The following CC2D2B variants were observed in gnomAD, a reference collection of about 807,000 sequenced individuals.
CC2D2B encodes protein CC2D2B.
In CC2D2B, 128 loss-of-function variants were observed where a neutral mutation model predicts 161.2. The ratio of observed to expected loss-of-function variants is 0.79; its 90% CI spans 0.69 to 0.92. The LOEUF is 0.92. CC2D2B is among the 40% of genes least tolerant of loss of function. CC2D2B has a pLI of 0.00. For synonymous variants in CC2D2B, 391 were observed against 449.8 expected (o/e 0.87, Z 1.65); for missense variants, 1,173 against 1,375.1 (o/e 0.85, Z 2.32).
chr10:96,015,985 T>G (rs17383897), intron 29 of CC2D2B, among the ~76,000 whole-genome samples: 1 of 152,276 alleles, frequency 6.6e-6, no homozygotes, highest in East Asian at 1.9e-4. Context: ...TGTTCTATAA[T>G]AAAGGTGGCC....
rs116368499 is a variant in CC2D2B at position 95,991,989 on chromosome 10, G to A, written c.2471+528G>A. On this transcript the variant is annotated intron_variant, in intron 21 of 34. Coordinates refer to ENST00000646931, the MANE Select transcript of CC2D2B (RefSeq NM_001349008.3). ...CTGTCTCTGGGAAAACTCCCTGGAG[G>A]CCACATGCAGACTCCTGGAATGATC... Among the ~76,000 whole-genome samples, 843 of 152,320 alleles carry A rather than the reference G, an allele frequency of 5.5e-3. 2 individuals carry two copies. Among genetic ancestry groups the A allele is most frequent in the African/African-American group, 0.015 (630 of 41,572 alleles).
intron 33 of CC2D2B, 50 bp downstream of exon 33, chr10:96,024,961 A>G: frequency 9.1e-7 from 1 of 1,092,962 alleles, no homozygotes; most frequent in Non-Finnish European, 1.3e-6. Flanking sequence ...CAGTCTTCTG[A>G]CCCATCCATT....
chr10:96,019,966 C>A, intron 32 of CC2D2B, 142 bp downstream of exon 32: 1 of 700,712 alleles, frequency 1.4e-6, no homozygotes, highest in South Asian at 2.5e-5. Flanking sequence ...CTAGTTTTCT[C>A]TGCCATCCAG....
intron 5 of CC2D2B, among the ~76,000 whole-genome samples, chr10:95,926,842 G>GTGTGTGTGTGTGTGTGTT (rs1387231849): frequency 8.6e-4 from 123 of 142,636 alleles, no homozygotes; most frequent in Non-Finnish European, 1.6e-3. Context: ...GTGTGTGTGT[G>GTGTGTGTGTGTGTGTGTT]TGTGTCTGTG....
intron 32 of CC2D2B, chr10:96,021,461 A>G (rs891349084): frequency 6.6e-5 from 10 of 152,246 alleles, no homozygotes; most frequent in Admixed American, 5.2e-4. Context: ...AGTGCATTAC[A>G]TCACAATCTC....
At chr10:95,954,596 T>C (rs1034619815) in intron 10 of CC2D2B, among the ~76,000 whole-genome samples, 1 of 152,176 alleles carries the variant, frequency 6.6e-6, no homozygotes, top group Non-Finnish European at 1.5e-5. Context: ...ATCTTCTACA[T>C]GAACCTTAGA....
At chr10:96,017,701 AG>A (rs2079266129) in intron 30 of CC2D2B, among the ~76,000 whole-genome samples, 2 of 152,002 alleles carry the variant, frequency 1.3e-5, no homozygotes, top group Admixed American at 1.3e-4. Context: ...GAGGCTGAGG[AG>A]GGAGGATTGC....
In CC2D2B at chr10:96,019,338, G is replaced by A. The variant is rs565105902; in HGVS notation, c.3765+1G>A. The A allele has an allele frequency of 7.7e-5, 124 of 1,607,070 alleles. 2 individuals are homozygous for A. The South Asian group carries it at 1.3e-3, about 17-fold the overall frequency. Reference sequence around the variant, plus strand: ...AGATTGTTTGTTTGATGATAGAAATGTAAGTATATGGGGAAAAAAAATCTT... The same window carrying A: ...AGATTGTTTGTTTGATGATAGAAATATAAGTATATGGGGAAAAAAAATCTT... On this transcript the variant is annotated splice_donor_variant, in intron 31 of 34. Transcript: ENST00000646931. LOFTEE classifies it high-confidence loss of function.
At chr10:95,973,875 A>G (rs946795197) in intron 16 of CC2D2B, 134 bp from the exon 17 acceptor site, 2 of 444,832 alleles carry the variant, frequency 4.5e-6, no homozygotes, top group African/African-American at 2.0e-5. Context: ...AAAAAAAAAA[A>G]AAAAAGAGTG....
At position 95,938,682 on chromosome 10, in the gene CC2D2B, A is replaced by G. The variant is rs2075914259; in HGVS notation, c.649A>G (p.Asn217Asp). The change falls in exon 8 of 35, where the codon AAT becomes GAT. Residue 217 changes from asparagine to aspartate, a missense_variant. By Grantham distance (23) the Asn-to-Asp change is conservative (BLOSUM62 1). This residue lies in a region of CC2D2B where 298 missense variants were observed against 261.2 expected (regional missense o/e 1.14). Coordinates refer to ENST00000646931, the MANE Select transcript of CC2D2B (RefSeq NM_001349008.3). ...CAAAAAGACCTGCAACAAAATGGAA[A>G]ATCGCCTGCTTAAACTAGAAGAGGC... ...IYKKTCNKMENRLLKLEEGKC... is the reference protein window; with the variant it reads ...IYKKTCNKMEDRLLKLEEGKC... 1.4e-6 allele frequency: 1 copy of G among 713,512 alleles called. No homozygotes were observed. The highest frequency in any genetic ancestry group is 2.6e-6 in the Non-Finnish European group (1 of 383,844). 44.2% of individuals were successfully genotyped at this position (713,512 alleles called of 1,614,324 possible).
chr10:96,025,498 C>T (rs2079732482), intron 33 of CC2D2B, among the ~76,000 whole-genome samples: 1 of 151,932 alleles, frequency 6.6e-6, no homozygotes, highest in Admixed American at 6.6e-5. Flanking sequence ...TTGTGGGCCA[C>T]CACTGGAAAG....
chr10:95,999,753 T>TC, intron 24 of CC2D2B: 1 of 249,378 alleles, frequency 4.0e-6, no homozygotes, highest in African/African-American at 2.3e-5. Context: ...GTCTTTTTTT[T>TC]TTTTTTTTTT....
chr10:96,027,297 C>A lies in CC2D2B; in HGVS notation c.4033C>A (p.Arg1345=). ...HWNRQCTFIL[R]QILPKLEFGI... Reference sequence around the variant, plus strand: ...GAATCGACAGTGTACTTTTATTTTGCGACAAATCCTTCCTAAGCTGGAATT... The same window carrying A: ...GAATCGACAGTGTACTTTTATTTTGAGACAAATCCTTCCTAAGCTGGAATT... The change falls in exon 34 of 35, where the codon CGA becomes AGA. Residue 1345 remains arginine, a synonymous_variant. Transcript: ENST00000646931. The A allele has an allele frequency of 6.4e-7, 1 of 1,551,098 alleles. No homozygotes were observed. The highest frequency in any genetic ancestry group is 1.4e-5 in the African/African-American group (1 of 73,122).
chr10:96,029,376 A>G (rs1476023287), intron 34 of CC2D2B, among the ~76,000 whole-genome samples: 1 of 150,316 alleles, frequency 6.7e-6, no homozygotes, highest in African/African-American at 2.4e-5. Context: ...TTATAAACCA[A>G]GAAACTTCAA....
intron 2 of CC2D2B, chr10:95,921,625 A>G (rs575304122): frequency 6.5e-6 from 1 of 152,968 alleles, no homozygotes; most frequent in African/African-American, 2.4e-5. Flanking sequence ...CACCATATAT[A>G]AAGAGCTCAT....
intron 6 of CC2D2B, among the ~76,000 whole-genome samples, chr10:95,935,229 C>T (rs1409456737): frequency 6.6e-6 from 1 of 152,216 alleles, no homozygotes; most frequent in Non-Finnish European, 1.5e-5. Flanking sequence ...TTTCCAGTTG[C>T]TCAGTTGAAC....
rs182971675 is a variant in CC2D2B, at chr10:95,912,142, C to A, written c.36+783C>A. Among the ~76,000 whole-genome samples, 243 of 152,238 alleles carry A rather than the reference C, an allele frequency of 1.6e-3. 4 individuals are homozygous for A. The East Asian group carries it at 0.039, about 24-fold the overall frequency. On this transcript the variant is annotated intron_variant, in intron 2 of 34. Coordinates refer to ENST00000646931, the MANE Select transcript of CC2D2B (RefSeq NM_001349008.3). ...TCATGTTTTTACTGTGATTAGAAAG[C>A]TTGAGATTTCCAACTGCACATTAGT...
chr10:95,914,744 T>C (rs2098512846), intron 2 of CC2D2B, among the ~76,000 whole-genome samples: 1 of 152,178 alleles, frequency 6.6e-6, no homozygotes, highest in South Asian at 2.1e-4. Context: ...TCCCCAGCAA[T>C]GCGGAACTGT....
intron 30 of CC2D2B, among the ~76,000 whole-genome samples, chr10:96,016,885 T>A (rs1384203693): frequency 1.3e-5 from 2 of 152,004 alleles, no homozygotes; most frequent in African/African-American, 4.8e-5. Flanking sequence ...GCCCGGCTAA[T>A]TTTTTGTATT....
Sources: allele counts gnomAD v4.1 joint callset (sites outside exome capture counted in the v4.1 genomes callset), GRCh38; gene constraint gnomAD v4.1.1; regional missense constraint gnomAD v4.1.1; transcripts MANE v1.5; gene names NCBI Gene and HGNC (gene_info 2026-07-23, HGNC 2026-07-21).